Variants in MYO5A observed in about 807,000 individuals in gnomAD.
MYO5A encodes the protein unconventional myosin-Va.
A neutral mutation model predicts 249.7 loss-of-function variants in MYO5A; 98 were observed. The ratio of observed to expected loss-of-function variants is 0.39; its 90% CI spans 0.33 to 0.46. The LOEUF is 0.46. Ranked by LOEUF, MYO5A falls within the 20% of genes least tolerant of loss-of-function variation. The pLI is 0.98. For synonymous variants in MYO5A, 778 were observed against 810.6 expected (o/e 0.96, Z 0.68); for missense variants, 1,696 against 2,308.8 (o/e 0.73, Z 5.44).
chr15:52,352,718 G>A (rs2040018497), intron 27 of MYO5A, among the ~76,000 whole-genome samples: 1 of 152,088 alleles, frequency 6.6e-6, no homozygotes, highest in African/African-American at 2.4e-5. Context: ...GGGAGGCGGT[G>A]CTTGCAGTGA....
chr15:52,416,845 C>G (rs913347528), intron 4 of MYO5A, among the ~76,000 whole-genome samples: 4 of 152,140 alleles, frequency 2.6e-5, no homozygotes, highest in African/African-American at 9.7e-5. Context: ...GGCTCACTAG[C>G]CAAAGAAAAA....
At chr15:52,423,333 A>G (rs2075322159) in intron 4 of MYO5A, among the ~76,000 whole-genome samples, 1 of 151,980 alleles carries the variant, frequency 6.6e-6, no homozygotes, top group South Asian at 2.1e-4. Context: ...TGGGCGGATC[A>G]CGAGGTCAGG....
intron 1 of MYO5A, among the ~76,000 whole-genome samples, chr15:52,517,949 G>A (rs778272489): frequency 6.6e-6 from 1 of 150,962 alleles, no homozygotes; most frequent in African/African-American, 2.4e-5. Flanking sequence ...TTAGCTACAA[G>A]GCATCACTTC....
intron 14 of MYO5A, among the ~76,000 whole-genome samples, chr15:52,387,213 C>T (rs1395207957): frequency 6.6e-6 from 1 of 152,172 alleles, no homozygotes; most frequent in African/African-American, 2.4e-5. Flanking sequence ...ATCATCAATA[C>T]AATGTAGCCA....
At chr15:52,357,026 AAAAGTTTT>A (rs1207668459) in intron 25 of MYO5A, among the ~76,000 whole-genome samples, 1 of 152,032 alleles carries the variant, frequency 6.6e-6, no homozygotes, top group Non-Finnish European at 1.5e-5. Context: ...AACAATTAGA[AAAAGTTTT>A]AGGTATATAA....
chr15:52,489,878 T>G (rs1187456459), intron 1 of MYO5A, among the ~76,000 whole-genome samples: 1 of 152,140 alleles, frequency 6.6e-6, no homozygotes, highest in Non-Finnish European at 1.5e-5. Flanking sequence ...GCAACAATGA[T>G]GAACAACCTG....
chr15:52,508,970 T>C (rs1005204874), intron 1 of MYO5A, among the ~76,000 whole-genome samples: 2 of 150,894 alleles, frequency 1.3e-5, no homozygotes, highest in African/African-American at 5.0e-5. Context: ...TTCAACTTTT[T>C]TTGTAATTTT....
At chr15:52,528,644 G>A in intron 1 of MYO5A, 136 bp downstream of exon 1, 1 of 1,020,516 alleles carries the variant, frequency 9.8e-7, no homozygotes, top group Non-Finnish European at 1.3e-6. Context: ...GTAGGGCCGA[G>A]GGTTCTGAGG....
Position 52,425,826 on chromosome 15 carries a change from C to T in MYO5A, c.455+4G>A, listed in dbSNP as rs1160921348. Reference sequence around the variant, plus strand: ...ATAAAATAACAATGAAAGCTTCTACCAACCTGGCCATTTGCTTGTAAGCTT... The same window carrying T: ...ATAAAATAACAATGAAAGCTTCTACTAACCTGGCCATTTGCTTGTAAGCTT... On this transcript the variant is annotated splice_donor_region_variant and intron_variant, in intron 4 of 41. Transcript: ENST00000399233. 1 of 1,613,886 alleles carries T rather than the reference C, an allele frequency of 6.2e-7. No individual in the cohort carries two copies. Among genetic ancestry groups the T allele is most frequent in the Non-Finnish European group, 8.5e-7 (1 of 1,179,904 alleles).
chr15:52,492,336 C>A (rs553424772), intron 1 of MYO5A, among the ~76,000 whole-genome samples: 1 of 152,302 alleles, frequency 6.6e-6, no homozygotes, highest in South Asian at 2.1e-4. Context: ...AAACCAAATA[C>A]AGGTTTCGAA....
rs1303953486 is a variant in MYO5A at position 52,308,528 on chromosome 15, A to C, written c.*5168T>G. ...TACCAAGAATCTAACTTATCTCCAT[A>C]ATTTCTTTCATATATTCATTTGCTT... On this transcript the variant is annotated 3_prime_UTR_variant, in exon 42 of 42. Coordinates refer to ENST00000399233, the MANE Select transcript of MYO5A (RefSeq NM_001382347.1). 2.0e-5 allele frequency: 3 copies of C among 152,178 alleles called. No homozygotes were observed. The highest frequency in any genetic ancestry group is 4.4e-5 in the Non-Finnish European group (3 of 68,042). The allele number at this position is 152,178 out of a possible 1,614,324, so 9.4% of individuals were successfully genotyped here.
intron 5 of MYO5A, among the ~76,000 whole-genome samples, chr15:52,414,052 G>A (rs1006954287): frequency 1.6e-4 from 25 of 152,148 alleles, no homozygotes; most frequent in Non-Finnish European, 2.8e-4. Context: ...TTTTGGTCAT[G>A]GGGACAAATC....
chr15:52,333,056 G>T (rs2038962236), intron 34 of MYO5A, among the ~76,000 whole-genome samples: 1 of 152,164 alleles, frequency 6.6e-6, no homozygotes, highest in Non-Finnish European at 1.5e-5. Flanking sequence ...CCCTTCAGAG[G>T]ATCCAGCAAC....
At chr15:52,462,038 C>T (rs545590550) in intron 1 of MYO5A, among the ~76,000 whole-genome samples, 28 of 150,994 alleles carry the variant, frequency 1.9e-4, no homozygotes, top group African/African-American at 6.3e-4. Context: ...CCGAGGTGGG[C>T]GGATCACGAG....
chr15:52,474,017 T>C (rs140586843), intron 1 of MYO5A, among the ~76,000 whole-genome samples: 22,651 of 152,202 alleles, frequency 0.15, 1,801 homozygotes, highest in Middle Eastern at 0.22. Context: ...ATTCTTCCTA[T>C]CCATGAGCAT....
Position 52,440,563 on chromosome 15 carries a change from T to G in MYO5A, c.28-7278A>C, listed in dbSNP as rs2075765811. Among the ~76,000 whole-genome samples, 4 of 152,216 alleles carry G rather than the reference T, an allele frequency of 2.6e-5. No homozygotes were observed. The South Asian group carries it at 8.3e-4, about 31-fold the overall frequency. On this transcript the variant is annotated intron_variant, in intron 1 of 41. Transcript: ENST00000399233. ...GATTAAAGGCATGAGTCACCGCACC[T>G]GGCCCACCAGTCATCTTTCTTTTGG... is the stretch of plus-strand genomic sequence containing the variant.
chr15:52,341,441 G>A (rs1475199257), intron 31 of MYO5A, among the ~76,000 whole-genome samples: 1 of 152,236 alleles, frequency 6.6e-6, no homozygotes, highest in East Asian at 1.9e-4. Flanking sequence ...TGTGCCCACA[G>A]AGCAGACCAG....
intron 36 of MYO5A, among the ~76,000 whole-genome samples, chr15:52,324,117 G>A (rs1438512193): frequency 6.7e-6 from 1 of 148,928 alleles, no homozygotes; most frequent in African/African-American, 2.5e-5. Context: ...GCAGAAAGAG[G>A]AATAACAAAT....
chr15:52,330,541 T>C, intron 34 of MYO5A, 42 bp from the exon 35 acceptor site: 1 of 1,611,392 alleles, frequency 6.2e-7, no homozygotes, highest in African/African-American at 1.3e-5. Flanking sequence ...GTTTTCCATA[T>C]AAAAAACATG....
Sources: gnomAD v4.1 joint callset for allele counts (sites outside exome capture counted in the v4.1 genomes callset) on GRCh38, gnomAD v4.1.1 for gene constraint, MANE v1.5 for transcripts, NCBI Gene and HGNC (gene_info 2026-07-23, HGNC 2026-07-21) for gene names.